ORC5: variants seen among roughly 807,000 people sequenced by gnomAD.
ORC5 encodes origin recognition complex subunit 5.
In ORC5, 39 loss-of-function variants were observed where a neutral mutation model predicts 58.8. The observed-to-expected ratio is 0.66, with a 90% confidence interval of 0.51 to 0.87. The LOEUF (loss-of-function observed/expected upper bound fraction) is 0.87. Among genes scored for constraint, ORC5 ranks in the 40% least tolerant of loss-of-function variants. ORC5 has a pLI of 0.00. For missense variants in ORC5, 493 were observed against 506.3 expected (o/e 0.97, Z 0.25); for synonymous variants, 218 against 177.6 (o/e 1.23, Z -1.81).
intron 13 of ORC5, among the ~76,000 whole-genome samples, 184 bp from the exon 14 acceptor site, chr7:104,127,077 AT>A (rs77261166): frequency 0.012 from 1,782 of 143,108 alleles, 57 homozygotes; most frequent in Admixed American, 0.083. Flanking sequence ...CAATATTTTA[AT>A]TTTTTTTTTT....
At chr7:104,160,645 T>G (rs1320854209) in intron 12 of ORC5, among the ~76,000 whole-genome samples, 1 of 152,166 alleles carries the variant, frequency 6.6e-6, no homozygotes, top group Non-Finnish European at 1.5e-5. Flanking sequence ...AACAGCATTT[T>G]TTAATAAAAG....
intron 5 of ORC5, among the ~76,000 whole-genome samples, chr7:104,190,872 T>C (rs1799658845): frequency 6.6e-6 from 1 of 151,986 alleles, no homozygotes; most frequent in Admixed American, 6.6e-5. Context: ...CCATTTACCA[T>C]TGGCCCTTGA....
At chr7:104,197,620 T>C in intron 4 of ORC5, 105 bp downstream of exon 4, 4 of 647,630 alleles carry the variant, frequency 6.2e-6, no homozygotes, top group Admixed American at 3.7e-5. Flanking sequence ...ACTAAAATTA[T>C]ATTAAAATAC....
At chr7:104,189,738 C>T (rs969019514) in intron 5 of ORC5, among the ~76,000 whole-genome samples, 1 of 151,952 alleles carries the variant, frequency 6.6e-6, no homozygotes, top group Non-Finnish European at 1.5e-5. Context: ...TGGTCCTTGT[C>T]CTGTGTACCT....
chr7:104,156,266 A>G (rs1562810255), intron 12 of ORC5, among the ~76,000 whole-genome samples: 1 of 151,758 alleles, frequency 6.6e-6, no homozygotes, highest in African/African-American at 2.4e-5. Context: ...AAAAAAATTT[A>G]AAGTCATATT....
chr7:104,155,484 A>G (rs1011078580), intron 12 of ORC5, among the ~76,000 whole-genome samples: 1 of 151,420 alleles, frequency 6.6e-6, no homozygotes, highest in Non-Finnish European at 1.5e-5. Context: ...TTAATTCAGA[A>G]TACATTATTT....
intron 12 of ORC5, among the ~76,000 whole-genome samples, chr7:104,143,990 G>A (rs546571689): frequency 6.6e-6 from 1 of 152,182 alleles, no homozygotes; most frequent in East Asian, 1.9e-4. Flanking sequence ...ATGGTGGCAC[G>A]TGCCTGTAAT....
chr7:104,177,332 A>C (rs915134917), intron 8 of ORC5, among the ~76,000 whole-genome samples: 1 of 152,348 alleles, frequency 6.6e-6, no homozygotes, highest in East Asian at 1.9e-4. Flanking sequence ...AAGTCTAAGA[A>C]AAGACTATAT....
At chr7:104,174,920 C>T (rs1799292313) in intron 8 of ORC5, among the ~76,000 whole-genome samples, 1 of 152,168 alleles carries the variant, frequency 6.6e-6, no homozygotes, top group South Asian at 2.1e-4. Flanking sequence ...GGACAGCCAA[C>T]CACAAGGGAA....
At chr7:104,168,671 T>TTTTTTTTTTTTTTTTTTTTTTTTGAG in intron 8 of ORC5, 146 bp from the exon 9 acceptor site, 3 of 475,962 alleles carry the variant, frequency 6.3e-6, no homozygotes, top group Non-Finnish European at 1.1e-5. Context: ...AACATGTTTG[T>TTTTTTTTTTTTTTTTTTTTTTTTGAG]ACCTGTACAA....
At chr7:104,174,204 A>C (rs1164104492) in intron 8 of ORC5, among the ~76,000 whole-genome samples, 2 of 152,198 alleles carry the variant, frequency 1.3e-5, no homozygotes, top group African/African-American at 4.8e-5. Context: ...ACACATCTGT[A>C]AATAATTTAG....
At chr7:104,156,056 T>C (rs926844373) in intron 12 of ORC5, among the ~76,000 whole-genome samples, 7 of 151,692 alleles carry the variant, frequency 4.6e-5, no homozygotes, top group African/African-American at 1.7e-4. Flanking sequence ...TGTATTCCAT[T>C]CTATCTTATG....
intron 5 of ORC5, among the ~76,000 whole-genome samples, chr7:104,191,066 G>T (rs57996204): frequency 0.028 from 4,160 of 148,510 alleles, 184 homozygotes; most frequent in African/African-American, 0.098. Flanking sequence ...TAGCCTGAAT[G>T]GATACTAGAT....
At position 104,195,267 on chromosome 7, in the gene ORC5, A is replaced by C; in HGVS notation, c.442-13T>G. 1 of 1,444,364 alleles carries C rather than the reference A, an allele frequency of 6.9e-7. No individual in the cohort carries two copies. Among genetic ancestry groups the C allele is most frequent in the Non-Finnish European group, 9.4e-7 (1 of 1,068,460 alleles). 89.5% of individuals were successfully genotyped at this position (1,444,364 alleles called of 1,614,324 possible). On this transcript the variant is annotated splice_polypyrimidine_tract_variant and intron_variant, in intron 4 of 13. Coordinates refer to ENST00000297431, the MANE Select transcript of ORC5 (RefSeq NM_002553.4). ...CATTTCTGTCAGCCTGTAAAAAGAA[A>C]GAAATAAAAGTAACTTCGCATTTAA...
At chr7:104,205,250 C>T (rs1242071529) in intron 1 of ORC5, among the ~76,000 whole-genome samples, 4 of 151,684 alleles carry the variant, frequency 2.6e-5, no homozygotes, top group African/African-American at 7.3e-5. Flanking sequence ...CCACCACACC[C>T]AGCTAATTTT....
intron 12 of ORC5, among the ~76,000 whole-genome samples, chr7:104,154,921 T>C (rs913545205): frequency 6.6e-6 from 1 of 151,730 alleles, no homozygotes; most frequent in Admixed American, 6.6e-5. Flanking sequence ...AGCAAAAACA[T>C]CTTCCTACAG....
chr7:104,179,107 GA>G (rs910137279), intron 8 of ORC5, among the ~76,000 whole-genome samples: 1 of 123,756 alleles, frequency 8.1e-6, no homozygotes, highest in African/African-American at 3.0e-5. Flanking sequence ...AAAGAAAAGT[GA>G]ATTTTTTTTT....
chr7:104,130,497 A>G (rs1798496656), intron 13 of ORC5, among the ~76,000 whole-genome samples: 1 of 152,100 alleles, frequency 6.6e-6, no homozygotes, highest in Non-Finnish European at 1.5e-5. Context: ...GTCCTGTGCA[A>G]AAAGCTCTGC....
At chr7:104,197,303 G>A (rs890422457) in intron 4 of ORC5, among the ~76,000 whole-genome samples, 1 of 152,114 alleles carries the variant, frequency 6.6e-6, no homozygotes, top group Non-Finnish European at 1.5e-5. Context: ...AGAGTAAACT[G>A]AAATACAAAA....
Sources: allele counts gnomAD v4.1 joint callset (sites outside exome capture counted in the v4.1 genomes callset), GRCh38; gene constraint gnomAD v4.1.1; transcripts MANE v1.5; gene names NCBI Gene and HGNC (gene_info 2026-07-23, HGNC 2026-07-21).